The following CEMIP2 variants were observed in gnomAD, a reference collection of about 807,000 sequenced individuals.
The protein encoded by CEMIP2 is cell migration inducing hyaluronidase 2.
In CEMIP2, 79 loss-of-function variants were observed where a neutral mutation model predicts 146.9. That is an observed-to-expected ratio of 0.54 (90% CI 0.45 to 0.65). CEMIP2 has a LOEUF of 0.65. Among genes scored for constraint, CEMIP2 ranks in the 30% least tolerant of loss-of-function variants. The pLI is 0.00. For synonymous variants in CEMIP2, 601 were observed against 606.3 expected (o/e 0.99, Z 0.13); for missense variants, 1,596 against 1,696.2 (o/e 0.94, Z 1.04).
chr9:71,720,382 C>T (rs1015078248), intron 12 of CEMIP2, among the ~76,000 whole-genome samples: 3 of 152,200 alleles, frequency 2.0e-5, no homozygotes, highest in African/African-American at 7.2e-5. Context: ...CCTCCACCTC[C>T]AGGGTTCAAG....
chr9:71,741,660 CAG>C (rs763353365), intron 4 of CEMIP2, among the ~76,000 whole-genome samples: 52 of 79,532 alleles, frequency 6.5e-4, no homozygotes, highest in Non-Finnish European at 9.6e-4. Flanking sequence ...TTTTTTGAGA[CAG>C]AGTCTCACTC....
chr9:71,728,244 TATATATGTATATA>T (rs1823463965), intron 10 of CEMIP2, among the ~76,000 whole-genome samples: 1 of 46,830 alleles, frequency 2.1e-5, no homozygotes, highest in African/African-American at 6.0e-5. Context: ...TATATATATA[TATATATGTATATA>T]CACGTATATA....
At chr9:71,727,987 G>C (rs1208015135) in intron 10 of CEMIP2, among the ~76,000 whole-genome samples, 6 of 151,896 alleles carry the variant, frequency 4.0e-5, no homozygotes, top group Non-Finnish European at 7.4e-5. Context: ...CTTGAACCCA[G>C]GAGGCGGAGG....
chr9:71,736,337 C>G (rs1823760388), intron 5 of CEMIP2, among the ~76,000 whole-genome samples: 1 of 152,136 alleles, frequency 6.6e-6, no homozygotes, highest in Admixed American at 6.6e-5. Context: ...GGGAGGACTG[C>G]TCACCTCCTT....
chr9:71,687,893 G>A (rs1165133050), intron 22 of CEMIP2, among the ~76,000 whole-genome samples: 1 of 152,078 alleles, frequency 6.6e-6, no homozygotes, highest in African/African-American at 2.4e-5. Context: ...TCCTTGCTCT[G>A]TCACCCCAGC....
chr9:71,709,402 A>T lies in CEMIP2; in HGVS notation c.2842T>A (p.Ser948Thr), dbSNP rs1418711814. Reference protein sequence around the residue: ...EDCEMDGDKNSIFHDIDGSVT... With the variant: ...EDCEMDGDKNTIFHDIDGSVT... ...GAGCCATCAATGTCATGGAATATGG[A>T]GTTCTTATCACCATCCATCTCACAA... Residue 948 changes from serine (S) to threonine (T), a missense_variant, in exon 17 of 24, where the codon TCC becomes ACC. Transcript: ENST00000377044. 3.1e-6 allele frequency: 5 copies of T among 1,614,038 alleles called. No individual in the cohort carries two copies. The highest frequency in any genetic ancestry group is 4.2e-6 in the Non-Finnish European group (5 of 1,180,014).
chr9:71,745,133 C>T lies in CEMIP2; in HGVS notation c.919G>A (p.Gly307Ser), dbSNP rs1824042863. ...LQEFLRFQDP[G>S]RIVAIAVGDS... The stretch of plus-strand genomic sequence containing the variant: ...CCGACAGCTATGGCAACAATCCGAC[C>T]TGGATCCTGGAATCTCAGAAACTCC... Residue 307 changes from glycine to serine, a missense_variant, in exon 4 of 24, where the codon GGT (glycine) becomes AGT (serine). By Grantham distance (56) the Gly-to-Ser change is moderately conservative. Coordinates refer to ENST00000377044, the MANE Select transcript of CEMIP2 (RefSeq NM_013390.3). 8 of 1,614,062 alleles carry T rather than the reference C, an allele frequency of 5.0e-6. No individual in the cohort carries two copies. Among genetic ancestry groups the T allele is most frequent in the South Asian group, 2.2e-5 (2 of 91,088 alleles).
chr9:71,704,836 G>T (rs755976285), intron 17 of CEMIP2, 33 bp from the exon 18 acceptor site: 2 of 1,598,810 alleles, frequency 1.3e-6, no homozygotes, highest in East Asian at 2.2e-5. Context: ...AAAGGGAAGA[G>T]AATGAAAATT....
chr9:71,711,594 G>GAA (rs201246178), intron 16 of CEMIP2, among the ~76,000 whole-genome samples: 3 of 132,418 alleles, frequency 2.3e-5, no homozygotes, highest in Admixed American at 7.5e-5. Flanking sequence ...CTGCCTCAAA[G>GAA]AAAAAAAAAA....
At chr9:71,769,239 G>T (rs188855406), upstream of CEMIP2, among the ~76,000 whole-genome samples, 194 of 152,250 alleles carry the variant, frequency 1.3e-3, 2 homozygotes, top group East Asian at 0.032. Context: ...CTGACACTGC[G>T]CCCCCAAAGT....
Position 71,746,268 on chromosome 9 carries a change from G to A in CEMIP2, c.405C>T (p.Ile135=), listed in dbSNP as rs779362727. 2 of 1,613,898 alleles carry A rather than the reference G, an allele frequency of 1.2e-6. No homozygotes were observed. The highest frequency in any genetic ancestry group is 1.1e-5 in the South Asian group (1 of 91,076). ...PGQDSAKQVV[I]KEGDMLRLTS... ...TCAGACGGAGCATATCTCCCTCCTTGATAACAACTTGCTTTGCAGAATCTT... is the reference window on the plus strand; with the variant it reads ...TCAGACGGAGCATATCTCCCTCCTTAATAACAACTTGCTTTGCAGAATCTT... The change falls in exon 3 of 24, where the codon ATC becomes ATT. Residue 135 remains isoleucine (I), a synonymous_variant. Transcript: ENST00000377044.
At chr9:71,708,093 G>A (rs1409627904) in intron 17 of CEMIP2, among the ~76,000 whole-genome samples, 1 of 152,220 alleles carries the variant, frequency 6.6e-6, no homozygotes, top group Admixed American at 6.5e-5. Context: ...GGCTGAGGCA[G>A]GAGAATGGCG....
chr9:71,765,258 C>T (rs551098899), intron 1 of CEMIP2, among the ~76,000 whole-genome samples: 68 of 152,252 alleles, frequency 4.5e-4, no homozygotes, highest in Non-Finnish European at 7.6e-4. Context: ...TAGCTGAGAC[C>T]TGATTAAGCT....
Position 71,740,188 on chromosome 9 carries a change from G to C in CEMIP2, c.1079C>G (p.Ser360Cys), listed in dbSNP as rs1477099365. The change falls in exon 5 of 24, where the codon TCT (serine) becomes TGT (cysteine). Residue 360 changes from serine (S) to cysteine (C), a missense_variant. Transcript: ENST00000377044. ...ATAGTTTCTCACGGATTCATTGCAAGAAGTGCTTCCACCATCAATGACACC... is the reference window on the plus strand; with the variant it reads ...ATAGTTTCTCACGGATTCATTGCAACAAGTGCTTCCACCATCAATGACACC... Reference protein sequence around the residue: ...LVGVIDGGSTSCNESVRNYEN... With the variant: ...LVGVIDGGSTCCNESVRNYEN... The C allele has an allele frequency of 1.9e-6, 3 of 1,613,934 alleles. No homozygotes were observed. Among genetic ancestry groups the C allele is most frequent in the Non-Finnish European group, 2.5e-6 (3 of 1,180,010 alleles).
intron 1 of CEMIP2, among the ~76,000 whole-genome samples, chr9:71,758,579 A>C (rs1824533006): frequency 6.6e-6 from 1 of 152,180 alleles, no homozygotes; most frequent in Non-Finnish European, 1.5e-5. Context: ...AGATGAACCG[A>C]ACCTCACAGG....
chr9:71,743,759 T>TA (rs1306844881), intron 4 of CEMIP2, among the ~76,000 whole-genome samples: 1 of 152,220 alleles, frequency 6.6e-6, no homozygotes. Flanking sequence ...TAGCATCTCC[T>TA]AAATATCCCC....
intron 13 of CEMIP2, 84 bp from the exon 14 acceptor site, chr9:71,716,636 G>T: frequency 8.1e-7 from 1 of 1,227,786 alleles, no homozygotes; most frequent in Non-Finnish European, 1.2e-6. Context: ...TAATTATCAT[G>T]AAATCCAAAA....
At chr9:71,697,881 C>T (rs1348970824) in intron 20 of CEMIP2, 104 bp downstream of exon 20, 1 of 1,174,868 alleles carries the variant, frequency 8.5e-7, no homozygotes, top group Non-Finnish European at 1.2e-6. Flanking sequence ...CATGCAATGT[C>T]CATAAATGGG....
intron 1 of CEMIP2, among the ~76,000 whole-genome samples, chr9:71,756,472 C>CCTCT (rs67234507): frequency 1.3e-3 from 173 of 130,058 alleles, no homozygotes; most frequent in African/African-American, 4.0e-3. Context: ...ACTACAGATT[C>CCTCT]CTCTCTCTCT....
Sources: allele counts gnomAD v4.1 joint callset (sites outside exome capture counted in the v4.1 genomes callset), GRCh38; gene constraint gnomAD v4.1.1; transcripts MANE v1.5; gene names NCBI Gene and HGNC (gene_info 2026-07-23, HGNC 2026-07-21).